Variants in TMEM41B observed in about 807,000 individuals in gnomAD.
TMEM41B encodes protein stasimon.
TMEM41B carries 18 observed loss-of-function variants against 31.9 expected under a neutral mutation model. That is an observed-to-expected ratio of 0.56 (90% CI 0.39 to 0.84). The LOEUF (loss-of-function observed/expected upper bound fraction) is 0.84. TMEM41B is among the 40% of genes least tolerant of loss of function. The pLI is 0.00. For synonymous variants in TMEM41B, 144 were observed against 124.3 expected (o/e 1.16, Z -1.05); for missense variants, 322 against 348.0 (o/e 0.93, Z 0.59).
Position 9,283,310 on chromosome 11 carries a change from T to C in TMEM41B, c.*114A>G, listed in dbSNP as rs1391759011. The stretch of plus-strand genomic sequence containing the variant: ...ACTTTAACTATCTGATAGGAAATTT[T>C]ATTTTACAAATTCCTTGTTTAATTA... On this transcript the variant is annotated 3_prime_UTR_variant, in exon 7 of 7. Coordinates refer to ENST00000528080, the MANE Select transcript of TMEM41B (RefSeq NM_015012.4). 1 of 846,238 alleles carries C rather than the reference T, an allele frequency of 1.2e-6. No homozygotes were observed. Among genetic ancestry groups the C allele is most frequent in the Non-Finnish European group, 1.8e-6 (1 of 569,034 alleles). 52.4% of individuals were successfully genotyped at this position (846,238 alleles called of 1,614,324 possible).
In TMEM41B at chr11:9,295,380, T is replaced by A; in HGVS notation, c.247A>T (p.Arg83Ter). Residue 83 changes from arginine (R) to a stop codon, truncating the protein, a stop_gained, in exon 3 of 7, where the codon AGA becomes TGA. Transcript: ENST00000528080. LOFTEE classifies it high-confidence loss of function. ...KNFPQLSEEE[R>*]VNMKVPRDMD... is the part of the protein sequence containing the mutation. The stretch of plus-strand genomic sequence containing the variant: ...TCTCTGGGAACCTTCATATTCACTC[T>A]TTCTTCTCTGAAGAAATAAAGTGAA... 6.3e-7 allele frequency: 1 copy of A among 1,574,906 alleles called. No homozygotes were observed. The highest frequency in any genetic ancestry group is 1.2e-5 in the South Asian group (1 of 84,512).
In TMEM41B at chr11:9,304,124, C is replaced by T. The variant is rs373169403; in HGVS notation, c.122-4423G>A. Among the ~76,000 whole-genome samples the T allele has an allele frequency of 3.8e-4, 58 of 152,234 alleles. No individual in the cohort carries two copies. In the East Asian group the frequency reaches 8.7e-3, roughly 23 times the overall value. ...TGATGGAACAATAAACCAAGAATGC[C>T]TGTCTCTTAATACTCTAGTTCATTA... is the stretch of plus-strand genomic sequence containing the variant. On this transcript the variant is annotated intron_variant, in intron 1 of 6. Coordinates refer to ENST00000528080, the MANE Select transcript of TMEM41B (RefSeq NM_015012.4).
chr11:9,297,419 C>T lies in TMEM41B; in HGVS notation c.240-2032G>A, dbSNP rs753576906. Among the ~76,000 whole-genome samples the T allele has an allele frequency of 8.5e-5, 13 of 152,122 alleles. 1 individual carries two copies. The highest frequency in any genetic ancestry group is 4.4e-5 in the Non-Finnish European group (3 of 68,032). ...ATTTCAAAATTTTTTATAGGCTGGGCGCAGTGGCCTAGGCCTGTAATCCCA... is the reference window on the plus strand; with the variant it reads ...ATTTCAAAATTTTTTATAGGCTGGGTGCAGTGGCCTAGGCCTGTAATCCCA... On this transcript the variant is annotated intron_variant, in intron 2 of 6. Coordinates refer to ENST00000528080, the MANE Select transcript of TMEM41B (RefSeq NM_015012.4).
chr11:9,300,343 G>T (rs1482938291), intron 1 of TMEM41B, among the ~76,000 whole-genome samples: 1 of 151,918 alleles, frequency 6.6e-6, no homozygotes, highest in African/African-American at 2.4e-5. Flanking sequence ...TTCTATACTG[G>T]GAGCCAACAG....
intron 1 of TMEM41B, among the ~76,000 whole-genome samples, chr11:9,309,393 C>T (rs1033010850): frequency 2.0e-5 from 3 of 151,736 alleles, no homozygotes; most frequent in Non-Finnish European, 2.9e-5. Flanking sequence ...GGTTTTCTGT[C>T]GTAGACCAAA....
rs1262577930 is a variant in TMEM41B, at chr11:9,280,829, C to T, written c.*2595G>A. On this transcript the variant is annotated 3_prime_UTR_variant, in exon 7 of 7. Coordinates refer to ENST00000528080, the MANE Select transcript of TMEM41B (RefSeq NM_015012.4). Reference sequence around the variant, plus strand: ...AGTTAGCCTGCTTGCCTCCGCACCACAGATGCTTGTCTTCTTGTGGTTGTT... The same window carrying T: ...AGTTAGCCTGCTTGCCTCCGCACCATAGATGCTTGTCTTCTTGTGGTTGTT... The T allele has an allele frequency of 6.6e-6, 1 of 152,190 alleles. No individual in the cohort carries two copies. Among genetic ancestry groups the T allele is most frequent in the Non-Finnish European group, 1.5e-5 (1 of 68,038 alleles). 9.4% of individuals were successfully genotyped at this position (152,190 alleles called of 1,614,324 possible). A position where few individuals can be genotyped will look rare whatever the true frequency, so the allele number is the denominator to read the frequency against.
intron 6 of TMEM41B, among the ~76,000 whole-genome samples, chr11:9,284,846 G>A (rs985405149): frequency 8.5e-5 from 13 of 152,078 alleles, no homozygotes; most frequent in African/African-American, 3.1e-4. Flanking sequence ...AAAGAGAGCA[G>A]TGTATACAAA....
Position 9,280,685 on chromosome 11 carries a change from T to G in TMEM41B, c.*2739A>C, listed in dbSNP as rs1275408481. ...TTTCTCCAATACAATTTATTATTAT[T>G]ACATTTTAGCTTGCATTTACTAAGT... On this transcript the variant is annotated 3_prime_UTR_variant, in exon 7 of 7. Transcript: ENST00000528080. 6.6e-6 allele frequency: 1 copy of G among 152,356 alleles called. No homozygotes were observed. The highest frequency in any genetic ancestry group is 1.9e-4 in the East Asian group (1 of 5,194). The allele number at this position is 152,356 out of a possible 1,614,324, so 9.4% of individuals were successfully genotyped here.
At chr11:9,299,282 CA>C (rs1180036082) in intron 2 of TMEM41B, among the ~76,000 whole-genome samples, 58 of 41,700 alleles carry the variant, frequency 1.4e-3, no homozygotes, top group African/African-American at 5.0e-3. Context: ...GACTCTGTCT[CA>C]AAAAAAAAAA....
chr11:9,295,031 A>C (rs1410962672), intron 3 of TMEM41B: 2 of 554,322 alleles, frequency 3.6e-6, no homozygotes, highest in African/African-American at 3.9e-5. Flanking sequence ...AAGTGAAAAA[A>C]GCAGAATACA....
chr11:9,309,498 T>A (rs961705170), intron 1 of TMEM41B, among the ~76,000 whole-genome samples: 2 of 119,174 alleles, frequency 1.7e-5, no homozygotes, highest in African/African-American at 5.7e-5. Flanking sequence ...AGTCTTAGAT[T>A]TCATCTACAG....
chr11:9,311,505 G>A, intron 1 of TMEM41B: 1 of 1,403,814 alleles, frequency 7.1e-7, no homozygotes, highest in South Asian at 1.2e-5. Flanking sequence ...CTGTGGCACA[G>A]GATGAGGGGG....
intron 2 of TMEM41B, among the ~76,000 whole-genome samples, chr11:9,297,060 C>A (rs1454430296): frequency 2.0e-5 from 3 of 152,122 alleles, no homozygotes; most frequent in Non-Finnish European, 4.4e-5. Context: ...GTAGCTGGGA[C>A]TGCAGGCACG....
At chr11:9,284,095 T>C (rs1344515158) in intron 6 of TMEM41B, among the ~76,000 whole-genome samples, 1 of 151,626 alleles carries the variant, frequency 6.6e-6, no homozygotes. Flanking sequence ...GAATAATGAA[T>C]TTTAAAAACG....
intron 1 of TMEM41B, among the ~76,000 whole-genome samples, chr11:9,305,931 A>T (rs1035764255): frequency 2.6e-5 from 4 of 151,534 alleles, no homozygotes; most frequent in African/African-American, 9.7e-5. Flanking sequence ...TGGCCACATT[A>T]CACACATGTG....
chr11:9,284,399 G>A (rs893411535), intron 6 of TMEM41B, among the ~76,000 whole-genome samples: 1 of 147,864 alleles, frequency 6.8e-6, no homozygotes, highest in Non-Finnish European at 1.5e-5. Context: ...CAATTCACAC[G>A]CCTCAGCCTC....
chr11:9,299,754 G>A (rs1383791131), intron 1 of TMEM41B, 53 bp from the exon 2 acceptor site: 2 of 1,258,970 alleles, frequency 1.6e-6, no homozygotes, highest in Non-Finnish European at 2.3e-6. Context: ...AGACATGCTA[G>A]CAAATAATTT....
At chr11:9,311,439 G>T in intron 1 of TMEM41B, 2 of 1,399,542 alleles carry the variant, frequency 1.4e-6, no homozygotes, top group Non-Finnish European at 2.0e-6. Context: ...TCCAGGAGCA[G>T]ACGGTGGGTA....
chr11:9,298,077 A>T (rs1432146402), intron 2 of TMEM41B, among the ~76,000 whole-genome samples: 4 of 151,584 alleles, frequency 2.6e-5, no homozygotes, highest in African/African-American at 9.7e-5. Flanking sequence ...AAAAAAAAAA[A>T]AAAAAAAAGA....
Sources: gnomAD v4.1 joint callset for allele counts (sites outside exome capture counted in the v4.1 genomes callset) on GRCh38, gnomAD v4.1.1 for gene constraint, MANE v1.5 for transcripts, NCBI Gene and HGNC (gene_info 2026-07-23, HGNC 2026-07-21) for gene names.